Variants in MYO18B observed in about 807,000 individuals in gnomAD.
MYO18B encodes the protein unconventional myosin-XVIIIb.
Under a neutral mutation model 273.0 loss-of-function variants are expected in MYO18B, and 204 were observed. That is an observed-to-expected ratio of 0.75 (90% CI 0.67 to 0.84). MYO18B has a LOEUF of 0.84. Among genes scored for constraint, MYO18B ranks in the 40% least tolerant of loss-of-function variants. MYO18B has a pLI of 0.00. For synonymous variants in MYO18B, 1,330 were observed against 1,305.7 expected (o/e 1.02, Z -0.40); for missense variants, 3,212 against 3,287.6 (o/e 0.98, Z 0.56).
At chr22:25,955,106 C>T (rs2092833603) in intron 38 of MYO18B, 73 bp from the exon 39 acceptor site, 4 of 1,414,334 alleles carry the variant, frequency 2.8e-6, no homozygotes, top group Middle Eastern at 1.8e-4. Context: ...AAGGATTTAT[C>T]TTCCTGAGGC....
chr22:25,759,961 A>G (rs2086249918), intron 1 of MYO18B, among the ~76,000 whole-genome samples: 1 of 152,238 alleles, frequency 6.6e-6, no homozygotes. Flanking sequence ...GTCAAAAGTT[A>G]TCAAAATTTT....
Position 25,768,375 on chromosome 22 carries a change from G to A in MYO18B, c.459G>A (p.Val153=), listed in dbSNP as rs777802164. The change falls in exon 4 of 44, where the codon GTG becomes GTA. Residue 153 remains valine (V), a synonymous_variant. Transcript: ENST00000335473. ...AGAGGGGCGTGAGGAGGGGTGATGT[G>A]TTGTTGATGGTGGCCAAGCTGGACC... The part of the protein sequence containing the change: ...PFKRGVRRGD[V]LLMVAKLDPD... 14 of 1,613,748 alleles carry A rather than the reference G, an allele frequency of 8.7e-6. No individual in the cohort carries two copies. Among genetic ancestry groups the A allele is most frequent in the South Asian group, 1.1e-5 (1 of 91,028 alleles).
chr22:25,865,423 G>A (rs1382325274), intron 21 of MYO18B, among the ~76,000 whole-genome samples: 1 of 152,178 alleles, frequency 6.6e-6, no homozygotes, highest in African/African-American at 2.4e-5. Context: ...GCTTTGGCAG[G>A]GTTTGAAGTG....
At chr22:25,781,562 A>T (rs965420167) in intron 9 of MYO18B, among the ~76,000 whole-genome samples, 172 bp from the exon 10 acceptor site, 1 of 149,194 alleles carries the variant, frequency 6.7e-6, no homozygotes, top group Admixed American at 6.9e-5. Context: ...GTGAGCCGAG[A>T]TCACGCCACC....
chr22:25,864,691 A>C (rs2090836757), intron 21 of MYO18B, among the ~76,000 whole-genome samples: 1 of 152,222 alleles, frequency 6.6e-6, no homozygotes, highest in Non-Finnish European at 1.5e-5. Flanking sequence ...CTTCCTCTGT[A>C]AAATGGGCAT....
chr22:26,046,857 G>A, the MYO18B span, among the ~76,000 whole-genome samples: 1 of 152,140 alleles, frequency 6.6e-6, no homozygotes, highest in Non-Finnish European at 1.5e-5. Context: ...ATTTCCCACT[G>A]GGGTAGCTGG....
intron 12 of MYO18B, among the ~76,000 whole-genome samples, chr22:25,813,911 T>C (rs2088879100): frequency 6.6e-6 from 1 of 152,198 alleles, no homozygotes; most frequent in African/African-American, 2.4e-5. Context: ...CCCCAGCTGG[T>C]GACTTGGCTC....
chr22:25,962,720 G>T (rs980480408), intron 39 of MYO18B, among the ~76,000 whole-genome samples: 2 of 152,200 alleles, frequency 1.3e-5, no homozygotes, highest in African/African-American at 4.8e-5. Flanking sequence ...AGGGGAGATT[G>T]TATGGAAGAT....
rs140328750 is a variant in MYO18B, at chr22:25,859,207, ATTG to A, written c.3885+7631_3885+7633del. 6.8e-3 allele frequency among the ~76,000 whole-genome samples: 1,034 copies of A among 152,292 alleles called. 25 individuals carry two copies. The highest frequency in any genetic ancestry group is 0.06 in the East Asian group (309 of 5,184). On this transcript the variant is annotated intron_variant, in intron 21 of 43. Transcript: ENST00000335473. ...ATATTTGCCTTAAAAACCTCAAATAATTGTTAAGATAAAATATTTTTTGATTAA... is the reference window on the plus strand; with the variant it reads ...ATATTTGCCTTAAAAACCTCAAATAATTAAGATAAAATATTTTTTGATTAA...
Position 25,777,787 on chromosome 22 carries a change from G to A in MYO18B, c.2068+6G>A, listed in dbSNP as rs944038765. The A allele has an allele frequency of 1.3e-6, 2 of 1,586,204 alleles. No homozygotes were observed. The highest frequency in any genetic ancestry group is 1.7e-6 in the Non-Finnish European group (2 of 1,166,138). On this transcript the variant is annotated splice_donor_region_variant and intron_variant, in intron 8 of 43. Coordinates refer to ENST00000335473, the MANE Select transcript of MYO18B (RefSeq NM_032608.7). ...TGTGGATGGCAGGGTCTCAGGTATG[G>A]TGGTCTCTAGGTGACATGGAGAGTT...
rs2086665944 is a variant in MYO18B at position 25,770,135 on chromosome 22, C to CA, written c.1539dup (p.Glu514ArgfsTer21). Reference sequence around the variant, plus strand: ...GCTCCTGAGGACAGATGGTATGAGGCAGAGAAAGTCTGGCTGGCTCAGAAG... The same window carrying CA: ...GCTCCTGAGGACAGATGGTATGAGGCAAGAGAAAGTCTGGCTGGCTCAGAAG... On this transcript the variant is annotated frameshift_variant, in exon 5 of 44. Transcript: ENST00000335473. LOFTEE classifies it high-confidence loss of function. 1.2e-6 allele frequency: 2 copies of CA among 1,613,882 alleles called. No homozygotes were observed. Among genetic ancestry groups the CA allele is most frequent in the South Asian group, 1.1e-5 (1 of 91,070 alleles).
chr22:25,891,617 C>T (rs932278740), intron 27 of MYO18B, among the ~76,000 whole-genome samples: 6 of 152,172 alleles, frequency 3.9e-5, no homozygotes, highest in African/African-American at 1.2e-4. Context: ...CCAACAATAT[C>T]CCAGGTAACA....
intron 37 of MYO18B, among the ~76,000 whole-genome samples, chr22:25,951,489 T>C (rs1347228963): frequency 6.6e-6 from 1 of 152,218 alleles, no homozygotes; most frequent in Non-Finnish European, 1.5e-5. Context: ...GATTCAGCCA[T>C]TCAGTGCAGA....
chr22:25,816,767 T>A (rs1464360317), intron 12 of MYO18B, among the ~76,000 whole-genome samples: 1 of 151,822 alleles, frequency 6.6e-6, no homozygotes, highest in Non-Finnish European at 1.5e-5. Flanking sequence ...GCAGTGGAGG[T>A]GGGATTTGAA....
intron 1 of MYO18B, among the ~76,000 whole-genome samples, chr22:25,753,994 CT>C (rs2086028810): frequency 6.6e-6 from 1 of 152,212 alleles, no homozygotes; most frequent in South Asian, 2.1e-4. Flanking sequence ...CCTGTCTTGG[CT>C]TCTGGAAGTG....
chr22:25,847,560 G>A lies in MYO18B; in HGVS notation c.3683G>A (p.Gly1228Glu), dbSNP rs2090291435. The change falls in exon 20 of 44, where the codon GGG becomes GAG. Residue 1228 changes from glycine (G) to glutamate (E), a missense_variant. By Grantham distance (98) the Gly-to-Glu change is moderately conservative (BLOSUM62 -2). Coordinates refer to ENST00000335473, the MANE Select transcript of MYO18B (RefSeq NM_032608.7). Reference protein sequence around the residue: ...PPPQPGRDKPGAGGPLALDIP... With the variant: ...PPPQPGRDKPEAGGPLALDIP... ...CCGCAGCCTGGTAGAGACAAGCCTG[G>A]GGCAGGTGGACCTCTGGCCCTGGAT... 1.3e-6 allele frequency: 2 copies of A among 1,569,330 alleles called. No individual in the cohort carries two copies. The highest frequency in any genetic ancestry group is 2.4e-5 in the South Asian group (2 of 85,014).
chr22:26,009,870 C>A (rs1053414469), intron 42 of MYO18B, among the ~76,000 whole-genome samples: 1 of 152,100 alleles, frequency 6.6e-6, no homozygotes, highest in African/African-American at 2.4e-5. Flanking sequence ...GCAGGTGACC[C>A]CCAAATACAG....
At chr22:25,839,341 A>T (rs2090015101) in intron 17 of MYO18B, among the ~76,000 whole-genome samples, 2 of 152,196 alleles carry the variant, frequency 1.3e-5, no homozygotes, top group African/African-American at 4.8e-5. Flanking sequence ...GGGCCCAGGA[A>T]GTTGTGCTGC....
intron 13 of MYO18B, among the ~76,000 whole-genome samples, chr22:25,824,723 G>T (rs1002348333): frequency 2.6e-5 from 4 of 152,076 alleles, no homozygotes; most frequent in Non-Finnish European, 5.9e-5. Flanking sequence ...TCTCCTTTCA[G>T]GTCTGTGCTC....
Sources: gnomAD v4.1 joint callset for allele counts (sites outside exome capture counted in the v4.1 genomes callset) on GRCh38, gnomAD v4.1.1 for gene constraint, MANE v1.5 for transcripts, NCBI Gene and HGNC (gene_info 2026-07-23, HGNC 2026-07-21) for gene names.